SYPL1: variants seen among roughly 807,000 people sequenced by gnomAD.
The protein encoded by SYPL1 is synaptophysin-like protein 1.
SYPL1 carries 6 observed loss-of-function variants against 23.7 expected under a neutral mutation model. That is an observed-to-expected ratio of 0.25 (90% CI 0.14 to 0.50). The LOEUF is 0.50. Ranked by LOEUF, SYPL1 falls within the 20% of genes least tolerant of loss-of-function variation. The pLI is 0.98. For missense variants in SYPL1, 253 were observed against 288.9 expected, an observed-to-expected ratio of 0.88 and a Z score of 0.90; for synonymous variants, 102 against 104.5, an observed-to-expected ratio of 0.98 and a Z score of 0.15.
intron 1 of SYPL1, chr7:106,111,935 TG>T (rs1293591488): frequency 2.0e-6 from 1 of 502,138 alleles, no homozygotes; most frequent in African/African-American, 2.1e-5. Flanking sequence ...GAGGAGCTCG[TG>T]ATTCGACGCC....
intron 2 of SYPL1, among the ~76,000 whole-genome samples, chr7:106,098,805 T>C (rs535945846): frequency 2.6e-3 from 397 of 152,364 alleles, no homozygotes; most frequent in Non-Finnish European, 4.4e-3. Context: ...TTCTAAGTTA[T>C]GTTTCCTTCT....
intron 1 of SYPL1, among the ~76,000 whole-genome samples, chr7:106,106,482 G>T (rs1012819511): frequency 1.3e-5 from 2 of 151,468 alleles, no homozygotes; most frequent in African/African-American, 4.9e-5. Flanking sequence ...AACCTGGGAG[G>T]CGGAAGTTGC....
intron 2 of SYPL1, 125 bp downstream of exon 2, chr7:106,099,033 C>A (rs1840171637): frequency 3.4e-6 from 4 of 1,191,336 alleles, no homozygotes; most frequent in Non-Finnish European, 4.7e-6. Context: ...AGGTAATGAT[C>A]ACTTACAAAT....
intron 1 of SYPL1, among the ~76,000 whole-genome samples, chr7:106,107,920 C>A (rs746388336): frequency 4.6e-5 from 7 of 151,478 alleles, no homozygotes; most frequent in Admixed American, 3.9e-4. Context: ...ATCAGCCAGG[C>A]GCGGTGGCTC....
intron 1 of SYPL1, chr7:106,111,739 T>TA (rs1403983967): frequency 6.5e-6 from 1 of 153,946 alleles, no homozygotes; most frequent in East Asian, 1.9e-4. Context: ...GGCAGGGACG[T>TA]AACCGCTGAG....
intron 1 of SYPL1, among the ~76,000 whole-genome samples, chr7:106,108,459 T>C (rs1840729678): frequency 6.6e-6 from 1 of 152,158 alleles, no homozygotes; most frequent in Admixed American, 6.5e-5. Flanking sequence ...TCTATCCCTG[T>C]CTAGCGGCTT....
Position 106,112,255 on chromosome 7 carries a change from AG to A in SYPL1, c.-48del. 6.6e-7 allele frequency: 1 copy of A among 1,504,388 alleles called. No homozygotes were observed. Among genetic ancestry groups the A allele is most frequent in the Non-Finnish European group, 9.0e-7 (1 of 1,115,730 alleles). The allele number at this position is 1,504,388 out of a possible 1,614,324, so 93.2% of individuals were successfully genotyped here. A position where few individuals can be genotyped will look rare whatever the true frequency, so the allele number is the denominator to read the frequency against. On this transcript the variant is annotated 5_prime_UTR_variant, in exon 1 of 5. Transcript: ENST00000455385. ...GAGAGTCAGGACGACGGGGCGGAGG[AG>A]GGGACCGACGAGACCAGAGCAGCCC...
At chr7:106,106,588 T>C (rs1015199743) in intron 1 of SYPL1, among the ~76,000 whole-genome samples, 1 of 147,448 alleles carries the variant, frequency 6.8e-6, no homozygotes, top group African/African-American at 2.5e-5. Context: ...GGTGCAGTGG[T>C]TCATCTCAGC....
Position 106,097,626 on chromosome 7 carries a change from A to T in SYPL1, c.402+64T>A. On this transcript the variant is annotated intron_variant, in intron 3 of 4. Transcript: ENST00000455385. The surrounding 1 kb of genome is among the most constrained non-coding windows in gnomAD (Gnocchi z 4.6). ...CACCAAGAATTTTTATTTCCAGTAT[A>T]AGAAAATCTATATTTAGCTTATACA... 1 of 1,407,612 alleles carries T rather than the reference A, an allele frequency of 7.1e-7. No individual in the cohort carries two copies. Among genetic ancestry groups the T allele is most frequent in the Non-Finnish European group, 9.6e-7 (1 of 1,046,066 alleles). The allele number at this position is 1,407,612 out of a possible 1,614,324, so 87.2% of individuals were successfully genotyped here. A position where few individuals can be genotyped will look rare whatever the true frequency, so the allele number is the denominator to read the frequency against.
In SYPL1 at chr7:106,090,542, G is replaced by C. The variant is rs190352736; in HGVS notation, c.*1263C>G. On this transcript the variant is annotated 3_prime_UTR_variant, in exon 5 of 5. Coordinates refer to ENST00000455385, the MANE Select transcript of SYPL1 (RefSeq NM_182715.4). ...CCTTTATTAAATTGGTTGCAAAAAAGATATACATTCTTATATTGACAATTC... is the reference window on the plus strand; with the variant it reads ...CCTTTATTAAATTGGTTGCAAAAAACATATACATTCTTATATTGACAATTC... 4.6e-5 allele frequency: 7 copies of C among 152,588 alleles called. No homozygotes were observed. The highest frequency in any genetic ancestry group is 1.0e-4 in the Non-Finnish European group (7 of 68,038). 9.5% of individuals were successfully genotyped at this position (152,588 alleles called of 1,614,324 possible). A position where few individuals can be genotyped will look rare whatever the true frequency, so the allele number is the denominator to read the frequency against.
Position 106,097,539 on chromosome 7 carries a change from A to T in SYPL1, c.402+151T>A, listed in dbSNP as rs1345556363. 1.7e-6 allele frequency: 1 copy of T among 594,234 alleles called. No individual in the cohort carries two copies. The highest frequency in any genetic ancestry group is 1.8e-5 in the African/African-American group (1 of 54,448). The allele number at this position is 594,234 out of a possible 1,614,324, so 36.8% of individuals were successfully genotyped here. A position where few individuals can be genotyped will look rare whatever the true frequency, so the allele number is the denominator to read the frequency against. ...AATAGGCTAAAAAAAATTGAGTTAA[A>T]CTTAATGGGAGAAAGCTCAACCTCG... is the stretch of plus-strand genomic sequence containing the variant. On this transcript the variant is annotated intron_variant, in intron 3 of 4. Coordinates refer to ENST00000455385, the MANE Select transcript of SYPL1 (RefSeq NM_182715.4). The surrounding 1 kb of genome is among the most constrained non-coding windows in gnomAD (Gnocchi z 4.6).
Position 106,097,665 on chromosome 7 carries a change from T to A in SYPL1, c.402+25A>T, listed in dbSNP as rs1448658740. On this transcript the variant is annotated intron_variant, in intron 3 of 4. Transcript: ENST00000455385. This position sits in a 1 kb window ranked among gnomAD's most constrained non-coding sequence, Gnocchi z 4.6. Reference sequence around the variant, plus strand: ...TTAGCTTATACAAATTATTTTTGTATTTAAAAAATAAAGTGATTACTTACT... The same window carrying A: ...TTAGCTTATACAAATTATTTTTGTAATTAAAAAATAAAGTGATTACTTACT... 6.4e-7 allele frequency: 1 copy of A among 1,553,038 alleles called. No individual in the cohort carries two copies. The highest frequency in any genetic ancestry group is 2.3e-5 in the East Asian group (1 of 42,594).
At position 106,091,594 on chromosome 7, in the gene SYPL1, C is replaced by G; in HGVS notation, c.*211G>C. 2.1e-6 allele frequency: 1 copy of G among 466,922 alleles called. No homozygotes were observed. Among genetic ancestry groups the G allele is most frequent in the Non-Finnish European group, 3.6e-6 (1 of 274,574 alleles). The allele number at this position is 466,922 out of a possible 1,614,324, so 28.9% of individuals were successfully genotyped here. A position where few individuals can be genotyped will look rare whatever the true frequency, so the allele number is the denominator to read the frequency against. On this transcript the variant is annotated 3_prime_UTR_variant, in exon 5 of 5. Coordinates refer to ENST00000455385, the MANE Select transcript of SYPL1 (RefSeq NM_182715.4). The surrounding 1 kb of genome is among the most constrained non-coding windows in gnomAD (Gnocchi z 5.0). Reference sequence around the variant, plus strand: ...AATGTGTATCATTTCATAATAGACCCCTGAACTTTCAAATTTACATGTGAG... The same window carrying G: ...AATGTGTATCATTTCATAATAGACCGCTGAACTTTCAAATTTACATGTGAG...
At chr7:106,093,171 C>T (rs1839843820) in intron 3 of SYPL1, 34 bp from the exon 4 acceptor site, 1 of 1,516,772 alleles carries the variant, frequency 6.6e-7, no homozygotes, top group Admixed American at 2.1e-5. Flanking sequence ...TAATAATGAA[C>T]AGTTAATTTT....
upstream of SYPL1, chr7:106,112,483 C>G: frequency 6.6e-7 from 1 of 1,519,556 alleles, no homozygotes; most frequent in Non-Finnish European, 8.8e-7. Context: ...CCGCACCTGG[C>G]CGAGTCGACT....
intron 1 of SYPL1, among the ~76,000 whole-genome samples, chr7:106,108,433 A>G (rs1188036014): frequency 6.6e-6 from 1 of 152,008 alleles, no homozygotes; most frequent in Non-Finnish European, 1.5e-5. Context: ...GCTCAACTTG[A>G]TTGTCCCCTC....
upstream of SYPL1, chr7:106,112,380 G>A: frequency 1.5e-6 from 2 of 1,309,674 alleles, no homozygotes; most frequent in Non-Finnish European, 1.9e-6. Context: ...CGGCGGTTGA[G>A]CTGCTGGCTG....
At chr7:106,093,932 A>G (rs1839889198) in intron 3 of SYPL1, among the ~76,000 whole-genome samples, 1 of 152,240 alleles carries the variant, frequency 6.6e-6, no homozygotes, top group South Asian at 2.1e-4. Flanking sequence ...AAAGAATGGG[A>G]TGGTTTTAAT....
At chr7:106,101,435 TCCGCCCCCCCCCCCCC>T (rs1840308580) in intron 1 of SYPL1, among the ~76,000 whole-genome samples, 6 of 18,436 alleles carry the variant, frequency 3.3e-4, no homozygotes, top group African/African-American at 1.2e-3. Flanking sequence ...TTTTTTCCCA[TCCGCCCCCCCCCCCCC>T]CCCCCCCCCC....
Sources: allele counts gnomAD v4.1 joint callset (sites outside exome capture counted in the v4.1 genomes callset), GRCh38; gene constraint gnomAD v4.1.1; non-coding constraint Gnocchi (gnomAD v3.1); transcripts MANE v1.5; gene names NCBI Gene and HGNC (gene_info 2026-07-23, HGNC 2026-07-21).